Variants in RANGAP1 observed in about 807,000 individuals in gnomAD.
The protein encoded by RANGAP1 is ran GTPase-activating protein 1.
Under a neutral mutation model 63.5 loss-of-function variants are expected in RANGAP1, and 38 were observed. The ratio of observed to expected loss-of-function variants is 0.60; its 90% CI spans 0.46 to 0.78. RANGAP1 has a LOEUF of 0.78. Among genes scored for constraint, RANGAP1 ranks in the 30% least tolerant of loss-of-function variants. The pLI, the probability that RANGAP1 is intolerant of heterozygous loss-of-function variation, is 0.00. For synonymous variants in RANGAP1, 329 were observed against 310.5 expected, an observed-to-expected ratio of 1.06 and a Z score of -0.63; for missense variants, 630 against 740.3, an observed-to-expected ratio of 0.85 and a Z score of 1.73.
chr22:41,284,778 G>A (rs969418341), intron 1 of RANGAP1: 7 of 152,178 alleles, frequency 4.6e-5, no homozygotes, highest in Admixed American at 4.6e-4. Flanking sequence ...ATGTAAGGTG[G>A]GAGGATCACT....
chr22:41,279,426 C>T (rs2035360644), intron 2 of RANGAP1, among the ~76,000 whole-genome samples: 1 of 147,992 alleles, frequency 6.8e-6, no homozygotes, highest in South Asian at 2.1e-4. Flanking sequence ...GCCGAGATTG[C>T]ACCACTGCAC....
chr22:41,290,322 C>T (rs996652153), upstream of RANGAP1, among the ~76,000 whole-genome samples: 4 of 151,200 alleles, frequency 2.6e-5, no homozygotes, highest in Non-Finnish European at 4.4e-5. Flanking sequence ...CTCTGCCTCC[C>T]GGGTTCAAAC....
chr22:41,252,955 C>T lies in RANGAP1; in HGVS notation c.1297G>A (p.Asp433Asn). The T allele has an allele frequency of 6.5e-7, 1 of 1,543,188 alleles. No homozygotes were observed. Among genetic ancestry groups the T allele is most frequent in the Non-Finnish European group, 8.7e-7 (1 of 1,147,816 alleles). Residue 433 changes from aspartate to asparagine, a missense_variant, in exon 12 of 16, where the codon GAC becomes AAC. Physicochemically the swap from Asp to Asn is conservative, Grantham distance 23. This residue lies in a region of RANGAP1 where 428 missense variants were observed against 465.5 expected (regional missense o/e 0.92). Coordinates refer to ENST00000356244, the MANE Select transcript of RANGAP1 (RefSeq NM_002883.4). ...GGAAAAGCCAGGAAGGTGGAGACGT[C>T]TGCAGGAGGTGGGGAGGACAGCACG... ...APVLSSPPPA[D>N]VSTFLAFPSP...
the RANGAP1 span, among the ~76,000 whole-genome samples, chr22:41,295,136 C>T: frequency 7.3e-6 from 1 of 136,152 alleles, no homozygotes; most frequent in Non-Finnish European, 1.5e-5. Flanking sequence ...CGCCTCTGCC[C>T]GGCCGCCCCT....
chr22:41,295,180 C>G, the RANGAP1 span, among the ~76,000 whole-genome samples: 9 of 150,892 alleles, frequency 6.0e-5, no homozygotes, highest in Non-Finnish European at 8.8e-5. Context: ...GCCCGGCCAC[C>G]ACCCCGTCTG....
chr22:41,256,332 G>C (rs780905894), intron 8 of RANGAP1, 42 bp from the exon 9 acceptor site: 27 of 1,584,090 alleles, frequency 1.7e-5, no homozygotes, highest in Non-Finnish European at 2.2e-5. Context: ...AGAAACCCGG[G>C]CCAGGACACC....
intron 12 of RANGAP1, among the ~76,000 whole-genome samples, chr22:41,251,514 T>C (rs773577731): frequency 2.0e-5 from 3 of 151,702 alleles, no homozygotes; most frequent in Non-Finnish European, 2.9e-5. Flanking sequence ...TAGTCTCAGC[T>C]ACTTGGGAGG....
In RANGAP1 at chr22:41,245,380, A is replaced by T. The variant is rs1271799260; in HGVS notation, c.*1223T>A. Among the ~76,000 whole-genome samples the T allele has an allele frequency of 2.0e-5, 3 of 152,218 alleles. No individual in the cohort carries two copies. The highest frequency in any genetic ancestry group is 2.0e-4 in the Admixed American group (3 of 15,282). Reference sequence around the variant, plus strand: ...TAGTGAAGGAGCAACGCAGAAGCCAAGCGAGCTGCAGCCCAAAGGCAGGGT... The same window carrying T: ...TAGTGAAGGAGCAACGCAGAAGCCATGCGAGCTGCAGCCCAAAGGCAGGGT... On this transcript the variant is annotated 3_prime_UTR_variant, in exon 16 of 16. Transcript: ENST00000356244.
Position 41,249,828 on chromosome 22 carries a change from G to A in RANGAP1, c.1484-11C>T, listed in dbSNP as rs2033315462. 1.2e-6 allele frequency: 2 copies of A among 1,610,108 alleles called. No individual in the cohort carries two copies. The highest frequency in any genetic ancestry group is 8.5e-7 in the Non-Finnish European group (1 of 1,176,378). On this transcript the variant is annotated splice_polypyrimidine_tract_variant and intron_variant, in intron 13 of 15. Coordinates refer to ENST00000356244, the MANE Select transcript of RANGAP1 (RefSeq NM_002883.4). ...TCTGCATCAGGGCATCTGTAGGGCA[G>A]AAGCAGCAGGGGCAGGCTGCTGGCT...
the RANGAP1 span, among the ~76,000 whole-genome samples, chr22:41,294,306 G>C: frequency 6.6e-6 from 1 of 152,182 alleles, no homozygotes; most frequent in Admixed American, 6.5e-5. Flanking sequence ...CACCAGCCTC[G>C]GCCTCCCGAG....
In RANGAP1 at chr22:41,257,633, C is replaced by G. The variant is rs1569181587; in HGVS notation, c.774+315G>C. 6.6e-6 allele frequency among the ~76,000 whole-genome samples: 1 copy of G among 152,178 alleles called. No individual in the cohort carries two copies. Among genetic ancestry groups the G allele is most frequent in the Non-Finnish European group, 1.5e-5 (1 of 68,032 alleles). ...AACAACAGCTGCTGAACAAATCAAC[C>G]AGGAAAACAGATGTGGGGAGCAGTC... On this transcript the variant is annotated intron_variant, in intron 7 of 15. Coordinates refer to ENST00000356244, the MANE Select transcript of RANGAP1 (RefSeq NM_002883.4). The surrounding 1 kb of genome is among the most constrained non-coding windows in gnomAD (Gnocchi z 4.0).
chr22:41,280,983 C>A lies in RANGAP1; in HGVS notation c.62G>T (p.Gly21Val). The change falls in exon 2 of 16, where the codon GGA (glycine) becomes GTA (valine). Residue 21 changes from glycine to valine, a missense_variant. By Grantham distance (109) the Gly-to-Val change is moderately radical. Coordinates refer to ENST00000356244, the MANE Select transcript of RANGAP1 (RefSeq NM_002883.4). ...GCTCTTGCCTTTGAAACTCAGCTGT[C>A]CCCCGGCCACCTGAGTCTTGGCAAG... ...ETLAKTQVAGGQLSFKGKSLK... is the reference protein window; with the variant it reads ...ETLAKTQVAGVQLSFKGKSLK... 1 of 1,613,592 alleles carries A rather than the reference C, an allele frequency of 6.2e-7. No homozygotes were observed. Among genetic ancestry groups the A allele is most frequent in the Non-Finnish European group, 8.5e-7 (1 of 1,179,896 alleles).
chr22:41,256,357 G>A lies in RANGAP1; in HGVS notation c.889-67C>T, dbSNP rs2033834840. On this transcript the variant is annotated intron_variant, in intron 8 of 15. Coordinates refer to ENST00000356244, the MANE Select transcript of RANGAP1 (RefSeq NM_002883.4). ...GCCAGGACACCAGGTTCTACTCTAA[G>A]CCTCAGTTTCCCCAAGTGAGGATAT... 5.4e-6 allele frequency: 8 copies of A among 1,494,586 alleles called. No homozygotes were observed. The Admixed American group carries it at 1.4e-4, about 26-fold the overall frequency. The allele number at this position is 1,494,586 out of a possible 1,614,324, so 92.6% of individuals were successfully genotyped here.
chr22:41,251,853 T>A (rs928947278), intron 12 of RANGAP1, among the ~76,000 whole-genome samples: 1 of 152,056 alleles, frequency 6.6e-6, no homozygotes, highest in Non-Finnish European at 1.5e-5. Flanking sequence ...CACAAGAAAG[T>A]GATGAATGGT....
chr22:41,273,452 C>T (rs1040743406), intron 3 of RANGAP1, among the ~76,000 whole-genome samples: 2 of 152,102 alleles, frequency 1.3e-5, no homozygotes, highest in Admixed American at 6.6e-5. Flanking sequence ...CCAAAAAGGG[C>T]ACCACTTGGA....
intron 5 of RANGAP1, among the ~76,000 whole-genome samples, chr22:41,262,546 G>A (rs141375475): frequency 1.7e-3 from 258 of 152,324 alleles, no homozygotes; most frequent in Admixed American, 7.1e-3. Flanking sequence ...TAGCAAAGCC[G>A]CACATGGCGG....
intron 2 of RANGAP1, 51 bp from the exon 3 acceptor site, chr22:41,274,778 T>C: frequency 6.2e-7 from 1 of 1,606,926 alleles, no homozygotes; most frequent in Non-Finnish European, 8.5e-7. Flanking sequence ...CACAAACAGC[T>C]AAGATAGGAG....
At chr22:41,293,392 A>G in the RANGAP1 span, among the ~76,000 whole-genome samples, 1 of 152,110 alleles carries the variant, frequency 6.6e-6, no homozygotes, top group Admixed American at 6.6e-5. Context: ...AGCCTAGGCA[A>G]CGGAGGGAGA....
chr22:41,248,852 T>A (rs1047154349), intron 15 of RANGAP1, among the ~76,000 whole-genome samples: 1 of 152,178 alleles, frequency 6.6e-6, no homozygotes, highest in African/African-American at 2.4e-5. Context: ...CCCGTGGCAA[T>A]GTGTGTCCCC....
Sources: gnomAD v4.1 joint callset for allele counts (sites outside exome capture counted in the v4.1 genomes callset) on GRCh38, gnomAD v4.1.1 for gene constraint, gnomAD v4.1.1 regional missense constraint, Gnocchi (gnomAD v3.1) non-coding constraint, MANE v1.5 for transcripts, NCBI Gene and HGNC (gene_info 2026-07-23, HGNC 2026-07-21) for gene names.